Variants in ZCCHC17 observed in about 807,000 individuals in gnomAD.
The protein encoded by ZCCHC17 is zinc finger CCHC domain-containing protein 17.
ZCCHC17 carries 18 observed loss-of-function variants against 30.6 expected under a neutral mutation model. The ratio of observed to expected loss-of-function variants is 0.59; its 90% CI spans 0.41 to 0.87. ZCCHC17 has a LOEUF of 0.87. Among genes scored for constraint, ZCCHC17 ranks in the 40% least tolerant of loss-of-function variants. ZCCHC17 has a pLI of 0.00. For synonymous variants in ZCCHC17, 88 were observed against 92.4 expected (o/e 0.95, Z 0.27); for missense variants, 263 against 284.2 (o/e 0.93, Z 0.54).
At chr1:31,357,594 A>G (rs1469409982) in intron 7 of ZCCHC17, among the ~76,000 whole-genome samples, 10 of 152,246 alleles carry the variant, frequency 6.6e-5, no homozygotes, top group Non-Finnish European at 1.3e-4. Flanking sequence ...ATTGACACAG[A>G]TAATAAACTG....
chr1:31,321,759 A>G (rs1464335001), intron 3 of ZCCHC17, among the ~76,000 whole-genome samples: 1 of 152,146 alleles, frequency 6.6e-6, no homozygotes, highest in East Asian at 1.9e-4. Flanking sequence ...GAGCCACCAC[A>G]CCTGCCTTTT....
At chr1:31,325,817 C>T (rs1638317078) in intron 3 of ZCCHC17, among the ~76,000 whole-genome samples, 1 of 152,128 alleles carries the variant, frequency 6.6e-6, no homozygotes, top group Non-Finnish European at 1.5e-5. Flanking sequence ...TGCTGCTGGC[C>T]ACAGCAGCTT....
chr1:31,307,711 A>G (rs1268069031), intron 1 of ZCCHC17, among the ~76,000 whole-genome samples: 1 of 151,894 alleles, frequency 6.6e-6, no homozygotes. Flanking sequence ...AGTAGTTGGG[A>G]CCACAGGTGT....
At chr1:31,345,726 A>G (rs1419106234) in intron 5 of ZCCHC17, among the ~76,000 whole-genome samples, 6 of 151,028 alleles carry the variant, frequency 4.0e-5, no homozygotes, top group African/African-American at 1.2e-4. Context: ...CTGAAGGGTG[A>G]AGGGGAAGCA....
chr1:31,306,415 G>A (rs190724632), intron 1 of ZCCHC17, among the ~76,000 whole-genome samples: 35 of 152,346 alleles, frequency 2.3e-4, no homozygotes, highest in African/African-American at 8.4e-4. Flanking sequence ...TGAGTGACTA[G>A]TGTATGCAGC....
rs1032263911 is a variant in ZCCHC17, at chr1:31,304,854, C to G, written c.-55-5190C>G. 2.0e-5 allele frequency among the ~76,000 whole-genome samples: 3 copies of G among 152,070 alleles called. No homozygotes were observed. The South Asian group carries it at 6.2e-4, about 31-fold the overall frequency. ...TCGTGATCCACCTGCCTCAGCCTCC[C>G]AAAGTGCTGGGATTACAGGCGTGAG... On this transcript the variant is annotated intron_variant, in intron 1 of 7. Coordinates refer to ENST00000344147, the MANE Select transcript of ZCCHC17 (RefSeq NM_016505.4).
rs1195808076 is a variant in ZCCHC17, at chr1:31,338,990, A to C, written c.259A>C (p.Met87Leu). The part of the protein sequence containing the change: ...KNDRIKVSLS[M>L]KVVNQGTGKD... The stretch of plus-strand genomic sequence containing the variant: ...TGATAGAATAAAAGTATCCCTCTCC[A>C]TGAAGGTTGTCAATCAAGGGACTGG... The change falls in exon 5 of 8, where the codon ATG becomes CTG. Residue 87 changes from methionine (M) to leucine (L), a missense_variant. Physicochemically the swap from Met to Leu is conservative, Grantham distance 15. Transcript: ENST00000344147. 6.2e-7 allele frequency: 1 copy of C among 1,612,470 alleles called. No homozygotes were observed. The highest frequency in any genetic ancestry group is 8.5e-7 in the Non-Finnish European group (1 of 1,179,702).
chr1:31,322,817 G>A (rs1646891120), intron 3 of ZCCHC17, among the ~76,000 whole-genome samples: 1 of 151,912 alleles, frequency 6.6e-6, no homozygotes, highest in Admixed American at 6.6e-5. Flanking sequence ...TGCCTTCCGG[G>A]TTCAAGCGTT....
Position 31,302,164 on chromosome 1 carries a change from G to T in ZCCHC17, c.-56+5089G>T, listed in dbSNP as rs539605348. Among the ~76,000 whole-genome samples, 8 of 152,254 alleles carry T rather than the reference G, an allele frequency of 5.3e-5. No homozygotes were observed. In the South Asian group the frequency reaches 1.7e-3, roughly 32 times the overall value. On this transcript the variant is annotated intron_variant, in intron 1 of 7. Transcript: ENST00000344147. ...AATCACTTGAACCCGGGAAGTGGAG[G>T]TTGCAGTGAGTCGAGATCGCACCAC...
chr1:31,357,267 A>G (rs1408439486), intron 7 of ZCCHC17, among the ~76,000 whole-genome samples: 1 of 152,176 alleles, frequency 6.6e-6, no homozygotes, highest in Non-Finnish European at 1.5e-5. Context: ...GCCAGTCCTG[A>G]GCCCACTCAG....
At chr1:31,345,518 AAG>A (rs1390904730) in intron 5 of ZCCHC17, among the ~76,000 whole-genome samples, 73 of 52,938 alleles carry the variant, frequency 1.4e-3, no homozygotes, top group African/African-American at 3.0e-3. Context: ...ATGAAAAATC[AAG>A]TGAGCTGTAT....
intron 7 of ZCCHC17, among the ~76,000 whole-genome samples, chr1:31,360,494 T>G (rs1639837824): frequency 6.6e-6 from 1 of 152,208 alleles, no homozygotes; most frequent in Admixed American, 6.5e-5. Context: ...ATGTGATTGT[T>G]CTTTTGTTCT....
Position 31,349,657 on chromosome 1 carries a change from AC to A in ZCCHC17, c.564+684del, listed in dbSNP as rs1482647616. On this transcript the variant is annotated intron_variant, in intron 7 of 7. Transcript: ENST00000344147. ...CACTTTTTTCTAGGTAATAATAAAT[AC>A]AGATATATATAGCTACACATACATG... Among the ~76,000 whole-genome samples the A allele has an allele frequency of 2.0e-5, 3 of 152,178 alleles. No homozygotes were observed. In the East Asian group the frequency reaches 5.8e-4, roughly 29 times the overall value.
intron 5 of ZCCHC17, among the ~76,000 whole-genome samples, chr1:31,342,146 G>A (rs982081705): frequency 1.3e-5 from 2 of 152,150 alleles, no homozygotes; most frequent in African/African-American, 4.8e-5. Context: ...CTGGGTTCAA[G>A]CAATTCTCAT....
intron 5 of ZCCHC17, among the ~76,000 whole-genome samples, chr1:31,343,596 GGC>G (rs1639128302): frequency 6.6e-6 from 1 of 152,016 alleles, no homozygotes; most frequent in Non-Finnish European, 1.5e-5. Context: ...AATGGAAAGG[GGC>G]TAAAAGCAGT....
At chr1:31,362,676 C>T (rs1313391993) in intron 7 of ZCCHC17, among the ~76,000 whole-genome samples, 1 of 152,144 alleles carries the variant, frequency 6.6e-6, no homozygotes, top group Non-Finnish European at 1.5e-5. Flanking sequence ...GTTATTTCCC[C>T]TGGCACCAGG....
chr1:31,318,346 G>C (rs112017174), intron 2 of ZCCHC17: 17 of 873,176 alleles, frequency 1.9e-5, no homozygotes, highest in Middle Eastern at 2.2e-4. Context: ...GTAGGCTACA[G>C]GGGGAAGAGA....
chr1:31,336,487 AT>A (rs927163250), intron 3 of ZCCHC17, among the ~76,000 whole-genome samples: 42 of 152,312 alleles, frequency 2.8e-4, no homozygotes, highest in African/African-American at 1.0e-3. Flanking sequence ...GGAGCATTAC[AT>A]TTTTTAAATT....
intron 1 of ZCCHC17, among the ~76,000 whole-genome samples, chr1:31,307,549 G>A (rs1025341987): frequency 6.6e-6 from 1 of 150,420 alleles, no homozygotes; most frequent in Non-Finnish European, 1.5e-5. Flanking sequence ...GATTACAGGC[G>A]CCTGCCATCA....
Sources: allele counts gnomAD v4.1 joint callset (sites outside exome capture counted in the v4.1 genomes callset), GRCh38; gene constraint gnomAD v4.1.1; transcripts MANE v1.5; gene names NCBI Gene and HGNC (gene_info 2026-07-23, HGNC 2026-07-21).